The following GMDS variants were observed in gnomAD, a reference collection of about 807,000 sequenced individuals.
GMDS encodes the protein GDP-mannose 4,6 dehydratase.
In GMDS, 20 loss-of-function variants were observed where a neutral mutation model predicts 49.9. The observed-to-expected ratio is 0.40, with a 90% CI of 0.28 to 0.58. The LOEUF (loss-of-function observed/expected upper bound fraction) is 0.58. GMDS is among the 20% of genes least tolerant of loss of function. The pLI, the probability that GMDS is intolerant of heterozygous loss-of-function variation, is 0.42. For synonymous variants in GMDS, 177 were observed against 178.6 expected (o/e 0.99, Z 0.07); for missense variants, 362 against 481.4 (o/e 0.75, Z 2.32).
intron 4 of GMDS, among the ~76,000 whole-genome samples, chr6:2,054,252 T>A (rs941393054): frequency 2.0e-5 from 3 of 152,048 alleles, no homozygotes; most frequent in Admixed American, 1.3e-4. Context: ...CCAGAAGAAA[T>A]TTTAAAAGAC....
At chr6:2,242,045 C>T (rs754674109) in intron 1 of GMDS, among the ~76,000 whole-genome samples, 9 of 152,114 alleles carry the variant, frequency 5.9e-5, no homozygotes, top group Admixed American at 1.3e-4. Context: ...AGTTCATAAT[C>T]TCAAGACAAA....
chr6:1,930,134 C>T lies in GMDS; in HGVS notation c.740G>A (p.Arg247Gln), dbSNP rs1223395243. 1.9e-6 allele frequency: 3 copies of T among 1,612,726 alleles called. No homozygotes were observed. The highest frequency in any genetic ancestry group is 1.7e-5 in the Admixed American group (1 of 59,948). ...CFSLGNLDAK[R>Q]DWGHAKDYVE... ...ATAGTCCTTGGCATGGCCCCAATCTCGTTTGGCATCCAGATTTCCCAAACT... is the reference window on the plus strand; with the variant it reads ...ATAGTCCTTGGCATGGCCCCAATCTTGTTTGGCATCCAGATTTCCCAAACT... Residue 247 changes from arginine (R) to glutamine (Q), a missense_variant, in exon 7 of 11, where the codon CGA (arginine) becomes CAA (glutamine). By Grantham distance (43) the Arg-to-Gln change is conservative (BLOSUM62 1). Transcript: ENST00000380815.
chr6:2,037,754 G>A (rs762809772), intron 4 of GMDS, among the ~76,000 whole-genome samples: 1 of 152,086 alleles, frequency 6.6e-6, no homozygotes, highest in Non-Finnish European at 1.5e-5. Flanking sequence ...GTTTACAACC[G>A]CTCAAGCCGC....
At chr6:2,231,953 T>A (rs1781128865) in intron 1 of GMDS, among the ~76,000 whole-genome samples, 1 of 149,484 alleles carries the variant, frequency 6.7e-6, no homozygotes, top group Admixed American at 6.6e-5. Flanking sequence ...ACAAATGAAA[T>A]TTTTTTAATA....
rs182470788 is a variant in GMDS, at chr6:1,728,039, G to A, written c.891-1527C>T. On this transcript the variant is annotated intron_variant, in intron 8 of 10. Coordinates refer to ENST00000380815, the MANE Select transcript of GMDS (RefSeq NM_001500.4). ...GAATTTCAAAGCAAGGGAATTGGTA[G>A]GTAGGATCAGAGCTAAGTTTTTGGA... is the stretch of plus-strand genomic sequence containing the variant. 1.2e-4 allele frequency among the ~76,000 whole-genome samples: 18 copies of A among 152,324 alleles called. No individual in the cohort carries two copies. The East Asian group carries it at 2.5e-3, about 21-fold the overall frequency.
intron 1 of GMDS, among the ~76,000 whole-genome samples, chr6:2,148,888 C>T (rs879366624): frequency 1.3e-5 from 2 of 152,128 alleles, no homozygotes; most frequent in Admixed American, 6.6e-5. Flanking sequence ...CGGTAGAACA[C>T]GTGAGAAACT....
intron 4 of GMDS, among the ~76,000 whole-genome samples, chr6:2,015,445 A>C (rs1767831594): frequency 6.6e-6 from 1 of 152,228 alleles, no homozygotes; most frequent in Admixed American, 6.5e-5. Flanking sequence ...TAAATGTTTA[A>C]ATATTTTTAA....
chr6:2,091,490 A>T (rs530119443), intron 4 of GMDS, among the ~76,000 whole-genome samples: 1 of 152,224 alleles, frequency 6.6e-6, no homozygotes, highest in Non-Finnish European at 1.5e-5. Flanking sequence ...TCTGAAAAAC[A>T]TAAGTTTAGT....
chr6:2,114,142 G>A (rs1420059353), intron 4 of GMDS, among the ~76,000 whole-genome samples: 1 of 152,090 alleles, frequency 6.6e-6, no homozygotes, highest in African/African-American at 2.4e-5. Context: ...ACAAGGGGAA[G>A]GTCTTCTATA....
chr6:2,235,749 C>T (rs1467244503), intron 1 of GMDS, among the ~76,000 whole-genome samples: 4 of 151,188 alleles, frequency 2.6e-5, no homozygotes, highest in African/African-American at 9.7e-5. Flanking sequence ...GAGGTTGAGG[C>T]TCCAGTGATC....
At chr6:2,000,236 C>T (rs1462351029) in intron 4 of GMDS, among the ~76,000 whole-genome samples, 2 of 148,930 alleles carry the variant, frequency 1.3e-5, no homozygotes, top group African/African-American at 4.9e-5. Context: ...GGGGTTTCAC[C>T]GTGTTAGCCA....
intron 7 of GMDS, among the ~76,000 whole-genome samples, chr6:1,830,297 C>A (rs59585975): frequency 0.016 from 2,467 of 152,216 alleles, 65 homozygotes; most frequent in African/African-American, 0.055. Flanking sequence ...ACAAATAATT[C>A]TTTGTTGTGG....
chr6:1,851,237 CA>C (rs1027674832), intron 7 of GMDS, among the ~76,000 whole-genome samples: 1 of 152,110 alleles, frequency 6.6e-6, no homozygotes, highest in Non-Finnish European at 1.5e-5. Context: ...ATGTTTGTCC[CA>C]AACAACGAGG....
intron 1 of GMDS, among the ~76,000 whole-genome samples, chr6:2,195,640 T>C (rs1779244548): frequency 6.6e-6 from 1 of 152,130 alleles, no homozygotes; most frequent in Non-Finnish European, 1.5e-5. Context: ...GTATTATGTG[T>C]CCTTCTTTTT....
intron 8 of GMDS, among the ~76,000 whole-genome samples, chr6:1,734,785 A>G (rs1766944421): frequency 6.6e-6 from 1 of 152,242 alleles, no homozygotes. Flanking sequence ...AGGAAGTCAG[A>G]CTAGGAAGAT....
intron 7 of GMDS, among the ~76,000 whole-genome samples, chr6:1,880,628 T>G (rs2113822409): frequency 6.6e-6 from 1 of 152,306 alleles, no homozygotes; most frequent in Non-Finnish European, 1.5e-5. Flanking sequence ...CTAGAGTTGG[T>G]ATTTCTGCCA....
chr6:1,944,664 C>T (rs560801821), intron 6 of GMDS, among the ~76,000 whole-genome samples: 1,625 of 104,974 alleles, frequency 0.015, 35 homozygotes, highest in African/African-American at 0.056. Context: ...AGCGAGACTC[C>T]GTCTCAAAAA....
intron 1 of GMDS, among the ~76,000 whole-genome samples, chr6:2,167,242 T>C (rs1581739226): frequency 6.6e-6 from 1 of 152,180 alleles, no homozygotes; most frequent in Non-Finnish European, 1.5e-5. Flanking sequence ...TAAGGCAAAA[T>C]GGGAAAGTCA....
chr6:1,876,239 C>G (rs993214120), intron 7 of GMDS, among the ~76,000 whole-genome samples: 6 of 140,286 alleles, frequency 4.3e-5, no homozygotes, highest in African/African-American at 1.9e-4. Flanking sequence ...ACCTGGGCAA[C>G]AAGAGCGAAA....
Sources: allele counts gnomAD v4.1 joint callset (sites outside exome capture counted in the v4.1 genomes callset), GRCh38; gene constraint gnomAD v4.1.1; transcripts MANE v1.5; gene names NCBI Gene and HGNC (gene_info 2026-07-23, HGNC 2026-07-21).